ANKRD12: variants seen among roughly 807,000 people sequenced by gnomAD.
ANKRD12 encodes the protein ankyrin repeat domain 12, also known as ankyrin repeat domain-containing protein 12.
A neutral mutation model predicts 183.4 loss-of-function variants in ANKRD12; 85 were observed. The observed-to-expected ratio is 0.46, with a 90% CI of 0.39 to 0.56. The LOEUF (loss-of-function observed/expected upper bound fraction) is 0.56. Ranked by LOEUF, ANKRD12 falls within the 20% of genes least tolerant of loss-of-function variation. The pLI is 0.00. For synonymous variants in ANKRD12, 914 were observed against 800.2 expected (o/e 1.14, Z -2.40); for missense variants, 2,405 against 2,357.1 (o/e 1.02, Z -0.42).
chr18:9,144,436 T>C (rs1197606132), intron 1 of ANKRD12, among the ~76,000 whole-genome samples: 2 of 152,222 alleles, frequency 1.3e-5, no homozygotes, highest in South Asian at 2.1e-4. Flanking sequence ...TTATGCTCTT[T>C]TATTATTCCA....
intron 1 of ANKRD12, among the ~76,000 whole-genome samples, chr18:9,161,493 A>C (rs1328607139): frequency 2.6e-5 from 4 of 151,778 alleles, no homozygotes; most frequent in Admixed American, 2.6e-4. Flanking sequence ...CTCCTGCCTC[A>C]GCCTCCTGAG....
Position 9,275,678 on chromosome 18 carries a change from T to G in ANKRD12, c.5907+11T>G, listed in dbSNP as rs1274024098. ...CCATTGGACTCTCAGGTAAAATGTT[T>G]GTTGATACATTTAGAAGTAATGGTC... On this transcript the variant is annotated intron_variant, in intron 11 of 12. Coordinates refer to ENST00000262126, the MANE Select transcript of ANKRD12 (RefSeq NM_015208.5). 6.5e-7 allele frequency: 1 copy of G among 1,545,350 alleles called. No individual in the cohort carries two copies.
At position 9,254,635 on chromosome 18, in the gene ANKRD12, CA is replaced by C; in HGVS notation, c.1373del (p.Lys458ArgfsTer4). The C allele has an allele frequency of 1.9e-6, 3 of 1,573,368 alleles. No individual in the cohort carries two copies. Among genetic ancestry groups the C allele is most frequent in the Admixed American group, 1.9e-5 (1 of 52,634 alleles). On this transcript the variant is annotated frameshift_variant, in exon 9 of 13. Coordinates refer to ENST00000262126, the MANE Select transcript of ANKRD12 (RefSeq NM_015208.5). LOFTEE classifies it high-confidence loss of function. ...AAACATCAAATTCTGATATGCAAAC[CA>C]AAAAGGAATATGTAGTTTCAGGTGA... is the stretch of plus-strand genomic sequence containing the variant. The part of the protein sequence containing the change: ...PETSNSDMQT[K>X]KEYVVSGEHK...
At chr18:9,201,361 A>G (rs2035154750) in intron 3 of ANKRD12, among the ~76,000 whole-genome samples, 1 of 152,224 alleles carries the variant, frequency 6.6e-6, no homozygotes, top group African/African-American at 2.4e-5. Flanking sequence ...TCTTAATGTG[A>G]AAGTGTTAAA....
At chr18:9,177,254 G>A (rs542007194) in intron 1 of ANKRD12, among the ~76,000 whole-genome samples, 3 of 152,204 alleles carry the variant, frequency 2.0e-5, no homozygotes, top group Admixed American at 6.5e-5. Flanking sequence ...CTTCTTAGCC[G>A]TATGAAGATA....
chr18:9,167,009 C>CA (rs2032142741), intron 1 of ANKRD12, among the ~76,000 whole-genome samples: 1 of 152,120 alleles, frequency 6.6e-6, no homozygotes, highest in African/African-American at 2.4e-5. Flanking sequence ...TCAGGTTTGT[C>CA]AAAGATCAGA....
intron 2 of ANKRD12, among the ~76,000 whole-genome samples, chr18:9,187,018 C>G (rs1201225555): frequency 6.6e-6 from 1 of 152,124 alleles, no homozygotes; most frequent in East Asian, 1.9e-4. Context: ...ACCTCAGCCT[C>G]CCAAAGTGCT....
At chr18:9,262,198 G>A (rs1003082859) in intron 9 of ANKRD12, among the ~76,000 whole-genome samples, 1 of 152,064 alleles carries the variant, frequency 6.6e-6, no homozygotes, top group Admixed American at 6.5e-5. Context: ...TTCATATATG[G>A]TGTTACATGA....
intron 5 of ANKRD12, among the ~76,000 whole-genome samples, chr18:9,209,266 G>GTAGA (rs1248310895): frequency 1.3e-5 from 2 of 152,166 alleles, no homozygotes; most frequent in African/African-American, 2.4e-5. Context: ...AGCTAAAAAG[G>GTAGA]TAGATAAAAT....
intron 9 of ANKRD12, among the ~76,000 whole-genome samples, chr18:9,263,325 G>A (rs752387940): frequency 4.3e-4 from 65 of 152,266 alleles, no homozygotes; most frequent in Admixed American, 9.8e-4. Context: ...CATTTCATCT[G>A]CTTTTATAAA....
At chr18:9,142,404 A>G (rs2078349876) in intron 1 of ANKRD12, among the ~76,000 whole-genome samples, 1 of 152,214 alleles carries the variant, frequency 6.6e-6, no homozygotes. Context: ...GAGTAATGTT[A>G]GATTCCTTTG....
chr18:9,185,358 A>G (rs908969168), intron 2 of ANKRD12, among the ~76,000 whole-genome samples: 2 of 152,228 alleles, frequency 1.3e-5, no homozygotes, highest in African/African-American at 4.8e-5. Flanking sequence ...AGAAGTTGGC[A>G]GATCGAAAAG....
At chr18:9,231,272 C>T (rs2037029541) in intron 8 of ANKRD12, among the ~76,000 whole-genome samples, 1 of 152,104 alleles carries the variant, frequency 6.6e-6, no homozygotes, top group South Asian at 2.1e-4. Flanking sequence ...GTCCTTTGGT[C>T]TGAAGTCCAG....
Position 9,255,507 on chromosome 18 carries a change from T to A in ANKRD12, c.2240T>A (p.Phe747Tyr), listed in dbSNP as rs2038554554. 1 of 1,571,934 alleles carries A rather than the reference T, an allele frequency of 6.4e-7. No individual in the cohort carries two copies. The change falls in exon 9 of 13, where the codon TTT becomes TAT. Residue 747 changes from phenylalanine to tyrosine, a missense_variant. By Grantham distance (22) the Phe-to-Tyr change is conservative (BLOSUM62 3). Around this residue, in one of 7 missense-constraint regions of ANKRD12, gnomAD observed 1,983 missense variants for 1,725.9 expected, o/e 1.15. Transcript: ENST00000262126. ...AAGCATGTGTCAAAAGAGAGGAACTTTAAAGAGGAACGAGACAAGATTAAA... is the reference window on the plus strand; with the variant it reads ...AAGCATGTGTCAAAAGAGAGGAACTATAAAGAGGAACGAGACAAGATTAAA... ...KEKHVSKERN[F>Y]KEERDKIKKE...
rs1330875636 is a variant in ANKRD12, at chr18:9,281,838, G to C, written c.*712G>C. On this transcript the variant is annotated 3_prime_UTR_variant, in exon 13 of 13. Transcript: ENST00000262126. ...AGAAAACTTTTAAATACAGCATGCA[G>C]GTGTTTCAGTTAGCTTGTTTTCATC... The C allele has an allele frequency of 6.6e-6, 1 of 152,574 alleles. No individual in the cohort carries two copies. The highest frequency in any genetic ancestry group is 1.9e-4 in the East Asian group (1 of 5,196). The allele number at this position is 152,574 out of a possible 1,614,324, so 9.5% of individuals were successfully genotyped here.
chr18:9,240,991 C>T (rs963835928), intron 8 of ANKRD12, among the ~76,000 whole-genome samples: 1 of 152,094 alleles, frequency 6.6e-6, no homozygotes, highest in Non-Finnish European at 1.5e-5. Flanking sequence ...GAAAATACAA[C>T]TGTTGGTACT....
intron 8 of ANKRD12, among the ~76,000 whole-genome samples, chr18:9,235,377 T>C (rs535143179): frequency 8.5e-5 from 13 of 152,330 alleles, no homozygotes; most frequent in African/African-American, 2.4e-4. Context: ...GCCTTCGTTA[T>C]ATGAACTCTG....
At chr18:9,237,669 A>G (rs1332396913) in intron 8 of ANKRD12, among the ~76,000 whole-genome samples, 3 of 152,210 alleles carry the variant, frequency 2.0e-5, no homozygotes, top group African/African-American at 4.8e-5. Flanking sequence ...TTTTTGTAAA[A>G]TGAACAGTGT....
At chr18:9,262,224 A>C (rs533404746) in intron 9 of ANKRD12, among the ~76,000 whole-genome samples, 22 of 152,332 alleles carry the variant, frequency 1.4e-4, no homozygotes, top group African/African-American at 5.3e-4. Flanking sequence ...GTGGCACTAC[A>C]TCAAGAAGTG....
Sources: gnomAD v4.1 joint callset for allele counts (sites outside exome capture counted in the v4.1 genomes callset) on GRCh38, gnomAD v4.1.1 for gene constraint, gnomAD v4.1.1 regional missense constraint, MANE v1.5 for transcripts, NCBI Gene and HGNC (gene_info 2026-07-23, HGNC 2026-07-21) for gene names.